The following RPS6KA2 variants were observed in gnomAD, a reference collection of about 807,000 sequenced individuals.
RPS6KA2 encodes the protein ribosomal protein S6 kinase A2, also known as ribosomal protein S6 kinase alpha-2.
Under a neutral mutation model 91.8 loss-of-function variants are expected in RPS6KA2, and 42 were observed. That is an observed-to-expected ratio of 0.46 (90% CI 0.36 to 0.59). RPS6KA2 has a LOEUF of 0.59. Among genes scored for constraint, RPS6KA2 ranks in the 20% least tolerant of loss-of-function variants. The pLI, the probability that RPS6KA2 is intolerant of heterozygous loss-of-function variation, is 0.00. For synonymous variants in RPS6KA2, 414 were observed against 393.6 expected, an observed-to-expected ratio of 1.05 and a Z score of -0.61; for missense variants, 798 against 978.5, an observed-to-expected ratio of 0.82 and a Z score of 2.46.
At chr6:166,650,093 T>C (rs1787801381) in intron 2 of RPS6KA2, among the ~76,000 whole-genome samples, 1 of 150,214 alleles carries the variant, frequency 6.7e-6, no homozygotes, top group Non-Finnish European at 1.5e-5. Flanking sequence ...TGGAAATTTA[T>C]ATACCATGAG....
At chr6:166,717,562 C>T (rs1216410311) in intron 2 of RPS6KA2, among the ~76,000 whole-genome samples, 1 of 152,196 alleles carries the variant, frequency 6.6e-6, no homozygotes, top group African/African-American at 2.4e-5. Flanking sequence ...GCTCAGCAGA[C>T]CACTGGCAGT....
At chr6:166,421,584 C>G (rs553023676) in intron 17 of RPS6KA2, among the ~76,000 whole-genome samples, 5 of 152,222 alleles carry the variant, frequency 3.3e-5, no homozygotes, top group Non-Finnish European at 7.3e-5. Flanking sequence ...CCTGGAGACC[C>G]TAACCCTCTT....
chr6:166,741,811 G>A lies in RPS6KA2; in HGVS notation c.123+116389C>T, dbSNP rs563228724. Reference sequence around the variant, plus strand: ...TTTCCAGCATTCTTCTGCTCTCACCGTACCAGCCCTGACAGCTGCCTCAAG... The same window carrying A: ...TTTCCAGCATTCTTCTGCTCTCACCATACCAGCCCTGACAGCTGCCTCAAG... On this transcript the variant is annotated intron_variant, in intron 2 of 21. Transcript: ENST00000503859. Among the ~76,000 whole-genome samples, 26 of 152,226 alleles carry A rather than the reference G, an allele frequency of 1.7e-4. No homozygotes were observed. In the South Asian group the frequency reaches 2.9e-3, roughly 17 times the overall value.
chr6:166,648,098 ATACACACACGTG>A lies in RPS6KA2; in HGVS notation c.124-109326_124-109315del, dbSNP rs1787710448. Among the ~76,000 whole-genome samples the A allele has an allele frequency of 2.5e-5, 3 of 119,564 alleles. No homozygotes were observed. Among genetic ancestry groups the A allele is most frequent in the Admixed American group, 9.3e-5 (1 of 10,770 alleles). The allele number at this position is 119,564 out of a possible 152,430, so 78.4% of individuals were successfully genotyped here. ...CGCACATGGTCATACACACACGCTC[ATACACACACGTG>A]CACACACACGCTCATACACATACAT... On this transcript the variant is annotated intron_variant, in intron 2 of 21. Coordinates refer to the RPS6KA2 transcript ENST00000503859. The surrounding 1 kb of genome is among the most constrained non-coding windows in gnomAD (Gnocchi z 4.8).
At chr6:166,697,753 G>T (rs1449679200) in intron 2 of RPS6KA2, among the ~76,000 whole-genome samples, 3 of 152,106 alleles carry the variant, frequency 2.0e-5, no homozygotes, top group Non-Finnish European at 4.4e-5. Flanking sequence ...TTGCTACAGG[G>T]TTTGTTTGGC....
chr6:166,615,934 G>C (rs1336811969), intron 1 of RPS6KA2, among the ~76,000 whole-genome samples: 4 of 152,198 alleles, frequency 2.6e-5, no homozygotes, highest in Admixed American at 2.6e-4. Flanking sequence ...GCATACACAG[G>C]CCTCACTGCA....
intron 2 of RPS6KA2, among the ~76,000 whole-genome samples, chr6:166,652,093 T>C (rs1787871461): frequency 6.6e-6 from 1 of 152,284 alleles, no homozygotes; most frequent in Non-Finnish European, 1.5e-5. Flanking sequence ...GAATACTGTT[T>C]TTTGAACATC....
At chr6:166,525,395 A>C (rs1314418760) in intron 3 of RPS6KA2, among the ~76,000 whole-genome samples, 1 of 152,116 alleles carries the variant, frequency 6.6e-6, no homozygotes, top group African/African-American at 2.4e-5. Flanking sequence ...GGAGAGGAGC[A>C]AGGTTGCAAG....
chr6:166,622,177 C>T (rs552001441), intron 1 of RPS6KA2, among the ~76,000 whole-genome samples: 1 of 152,198 alleles, frequency 6.6e-6, no homozygotes, highest in South Asian at 2.1e-4. Flanking sequence ...GCAAAAGGGG[C>T]AAAATCTCAC....
chr6:166,416,383 C>A (rs146730227), intron 19 of RPS6KA2, among the ~76,000 whole-genome samples: 3 of 151,776 alleles, frequency 2.0e-5, no homozygotes, highest in Non-Finnish European at 2.9e-5. Context: ...ATCATCTCTG[C>A]CATTACCCTC....
chr6:166,800,595 A>T (rs1397845529), intron 2 of RPS6KA2, among the ~76,000 whole-genome samples: 2 of 152,162 alleles, frequency 1.3e-5, no homozygotes, highest in East Asian at 3.8e-4. Context: ...TCTGTCTTGG[A>T]AGCAGAAATG....
Position 166,726,284 on chromosome 6 carries a change from C to T in RPS6KA2, c.123+131916G>A, listed in dbSNP as rs540514093. ...AGGACAAGGACAGACCAGAGGCTGA[C>T]GGCTTGCAAGTAGATGTGGAAGATA... On this transcript the variant is annotated intron_variant, in intron 2 of 21. Coordinates refer to the RPS6KA2 transcript ENST00000503859. This position sits in a 1 kb window ranked among gnomAD's most constrained non-coding sequence, Gnocchi z 4.4. 2.0e-4 allele frequency among the ~76,000 whole-genome samples: 30 copies of T among 152,244 alleles called. No homozygotes were observed. The highest frequency in any genetic ancestry group is 1.6e-3 in the Admixed American group (25 of 15,304).
At chr6:166,527,434 T>G (rs1239299572) in intron 3 of RPS6KA2, among the ~76,000 whole-genome samples, 1 of 152,188 alleles carries the variant, frequency 6.6e-6, no homozygotes, top group East Asian at 1.9e-4. Context: ...GCCTTTGTCT[T>G]AAACCACAGG....
In RPS6KA2 at chr6:166,508,434, G is replaced by A. The variant is rs549636892; in HGVS notation, c.380-152C>T. ...ACCCCGGCTGGTGACCAGCTCAGAG[G>A]GGCAGCACCCGGCAGAGGGGGTCTG... On this transcript the variant is annotated intron_variant, in intron 4 of 20. Transcript: ENST00000265678. This position sits in a 1 kb window ranked among gnomAD's most constrained non-coding sequence, Gnocchi z 4.3. The A allele has an allele frequency of 9.3e-5, 56 of 603,764 alleles. 2 individuals carry two copies. The Admixed American group carries it at 1.3e-3, about 13-fold the overall frequency. The allele number at this position is 603,764 out of a possible 1,614,324, so 37.4% of individuals were successfully genotyped here.
intron 3 of RPS6KA2, among the ~76,000 whole-genome samples, chr6:166,516,951 T>C (rs1782667908): frequency 6.6e-6 from 1 of 152,256 alleles, no homozygotes; most frequent in South Asian, 2.1e-4. Context: ...AGGACTGATG[T>C]TATTGAATTC....
At chr6:166,470,044 C>G (rs922940138) in intron 10 of RPS6KA2, 139 bp from the exon 11 acceptor site, 2 of 739,524 alleles carry the variant, frequency 2.7e-6, no homozygotes, top group Non-Finnish European at 4.6e-6. Context: ...CACTCCTGCC[C>G]AAGGCACCTG....
rs1428057360 is a variant in RPS6KA2 at position 166,434,279 on chromosome 6, T to C, written c.1333-1789A>G. 2.6e-5 allele frequency among the ~76,000 whole-genome samples: 4 copies of C among 152,252 alleles called. No homozygotes were observed. The East Asian group carries it at 7.7e-4, about 29-fold the overall frequency. ...GATCTGTGAGTCCTAATAGCCTGCG[T>C]TGTAAACAGGCAGAAGAGTTAGGGT... On this transcript the variant is annotated intron_variant, in intron 14 of 20. Transcript: ENST00000265678. This position sits in a 1 kb window ranked among gnomAD's most constrained non-coding sequence, Gnocchi z 4.4.
chr6:166,647,033 G>A (rs1447091418), intron 2 of RPS6KA2, among the ~76,000 whole-genome samples: 3 of 152,150 alleles, frequency 2.0e-5, no homozygotes, highest in East Asian at 3.9e-4. Context: ...CAAAGCCTCC[G>A]TGGATGTCCT....
At chr6:166,790,467 A>G (rs1443054518) in intron 2 of RPS6KA2, among the ~76,000 whole-genome samples, 4 of 152,166 alleles carry the variant, frequency 2.6e-5, no homozygotes, top group Non-Finnish European at 4.4e-5. Context: ...GAACTTCCCC[A>G]ATCTAGCAAG....
Sources: gnomAD v4.1 joint callset for allele counts (sites outside exome capture counted in the v4.1 genomes callset) on GRCh38, gnomAD v4.1.1 for gene constraint, Gnocchi (gnomAD v3.1) non-coding constraint, MANE v1.5 for transcripts, NCBI Gene and HGNC (gene_info 2026-07-23, HGNC 2026-07-21) for gene names.